WDR17: variants seen among roughly 807,000 people sequenced by gnomAD.
WDR17 encodes WD repeat-containing protein 17.
In WDR17, 143 loss-of-function variants were observed where a neutral mutation model predicts 161.7. The ratio of observed to expected loss-of-function variants is 0.88; its 90% CI spans 0.77 to 1.02. The LOEUF (loss-of-function observed/expected upper bound fraction) is 1.02, where lower values mean the gene tolerates loss of function less well. Ranked by LOEUF, WDR17 falls within the 50% of genes least tolerant of loss-of-function variation. The probability of loss-of-function intolerance (pLI) is 0.00; values close to 1 mark genes in which losing one functional copy is unlikely to be tolerated. For missense variants in WDR17, 1,469 were observed against 1,520.9 expected (o/e 0.97, Z 0.57); for synonymous variants, 517 against 515.6 (o/e 1.00, Z -0.04).
At chr4:176,132,967 G>A (rs1041970373) in intron 7 of WDR17, among the ~76,000 whole-genome samples, 14 of 151,512 alleles carry the variant, frequency 9.2e-5, no homozygotes, top group Non-Finnish European at 2.1e-4. Flanking sequence ...CATCAGCACT[G>A]GGTTGAGTCA....
intron 1 of WDR17, among the ~76,000 whole-genome samples, chr4:176,066,952 G>C (rs988752747): frequency 3.9e-5 from 6 of 152,090 alleles, no homozygotes; most frequent in African/African-American, 1.4e-4. Context: ...TTTCTGCGTT[G>C]TAAAAATTAG....
rs773234235 is a variant in WDR17, at chr4:176,150,108, G to T, written c.2113G>T (p.Glu705Ter). The change falls in exon 15 of 29, where the codon GAA becomes TAA. Residue 705 changes from glutamate to a stop codon, truncating the protein, a stop_gained. Coordinates refer to ENST00000508596, the MANE Select transcript of WDR17 (RefSeq NM_181265.4). LOFTEE classifies it high-confidence loss of function. ...CGKVSRDIRQ[E>*]IEKLTANSQV... ...TAAAGTGTCAAGAGATATTAGACAG[G>T]AAATAGAAAAACTAACTGCTAATTC... is the stretch of plus-strand genomic sequence containing the variant. The T allele has an allele frequency of 6.2e-7, 1 of 1,613,910 alleles. No individual in the cohort carries two copies. Among genetic ancestry groups the T allele is most frequent in the South Asian group, 1.1e-5 (1 of 91,064 alleles).
chr4:176,129,684 G>A (rs28693772), intron 6 of WDR17, among the ~76,000 whole-genome samples: 4,580 of 152,134 alleles, frequency 0.03, 191 homozygotes, highest in African/African-American at 0.096. Context: ...GCTATTCAAA[G>A]TAATGTTATT....
chr4:176,122,375 T>TA (rs1355742694), intron 4 of WDR17, among the ~76,000 whole-genome samples: 1 of 152,222 alleles, frequency 6.6e-6, no homozygotes, highest in Non-Finnish European at 1.5e-5. Flanking sequence ...CTTAGGACTT[T>TA]AACACCTTTT....
chr4:176,161,714 C>G (rs1350795065), intron 20 of WDR17, among the ~76,000 whole-genome samples: 4 of 152,180 alleles, frequency 2.6e-5, no homozygotes, highest in Non-Finnish European at 5.9e-5. Flanking sequence ...AAAAAGCTAA[C>G]ACATGCTAGC....
In WDR17 at chr4:176,179,947, T is replaced by C. The variant is rs1751984372; in HGVS notation, c.*368T>C. ...AATTGTGCAACACCTAGAATAGTGC[T>C]AGACATACAGTAAGTACTTAATGGA... On this transcript the variant is annotated 3_prime_UTR_variant, in exon 29 of 29. Transcript: ENST00000508596. 1.3e-5 allele frequency: 2 copies of C among 152,468 alleles called. No homozygotes were observed. The highest frequency in any genetic ancestry group is 4.8e-5 in the African/African-American group (2 of 41,464). The allele number at this position is 152,468 out of a possible 1,614,324, so 9.4% of individuals were successfully genotyped here.
intron 8 of WDR17, 92 bp from the exon 9 acceptor site, chr4:176,137,428 C>A: frequency 1.0e-6 from 1 of 970,300 alleles, no homozygotes; most frequent in South Asian, 1.6e-5. Context: ...GTCTGCAAAT[C>A]ACAGTTCTTA....
At chr4:176,077,391 A>T (rs942513550) in intron 1 of WDR17, among the ~76,000 whole-genome samples, 3 of 134,146 alleles carry the variant, frequency 2.2e-5, no homozygotes, top group Non-Finnish European at 5.0e-5. Context: ...ATGTACATTT[A>T]TACATACGTC....
At chr4:176,077,430 A>G (rs998002137) in intron 1 of WDR17, among the ~76,000 whole-genome samples, 4 of 152,178 alleles carry the variant, frequency 2.6e-5, no homozygotes, top group African/African-American at 9.6e-5. Flanking sequence ...AATTTCTAGC[A>G]GCATTGTGGA....
chr4:176,128,902 TTG>T (rs760316146), intron 6 of WDR17, 42 bp downstream of exon 6: 20 of 1,462,740 alleles, frequency 1.4e-5, no homozygotes, highest in East Asian at 1.3e-4. Flanking sequence ...TTAAAAAATA[TTG>T]TGTTTTCTAT....
In WDR17 at chr4:176,120,052, G is replaced by A. The variant is rs1741297769; in HGVS notation, c.493G>A (p.Val165Ile). 1.9e-6 allele frequency: 3 copies of A among 1,613,994 alleles called. No homozygotes were observed. The African/African-American group carries it at 4.0e-5, about 22-fold the overall frequency. ...ATGGCATACACACCAAAAGGGGAAAGTTGTGTTTGGTCATATTGATGGAAG... is the reference window on the plus strand; with the variant it reads ...ATGGCATACACACCAAAAGGGGAAAATTGTGTTTGGTCATATTGATGGAAG... ...FRWHTHQKGKVVFGHIDGSLS... is the reference protein window; with the variant it reads ...FRWHTHQKGKIVFGHIDGSLS... The change falls in exon 4 of 29, where the codon GTT becomes ATT. Residue 165 changes from valine (V) to isoleucine (I), a missense_variant. By Grantham distance (29) the Val-to-Ile change is conservative. Coordinates refer to ENST00000508596, the MANE Select transcript of WDR17 (RefSeq NM_181265.4).
chr4:176,116,000 T>C, intron 3 of WDR17, 21 bp downstream of exon 3: 3 of 1,572,504 alleles, frequency 1.9e-6, no homozygotes, highest in Non-Finnish European at 2.6e-6. Flanking sequence ...AACTGGGATT[T>C]ATTTTATGGA....
chr4:176,081,641 T>G (rs1293559250), intron 1 of WDR17, among the ~76,000 whole-genome samples: 1 of 152,118 alleles, frequency 6.6e-6, no homozygotes, highest in Non-Finnish European at 1.5e-5. Flanking sequence ...GGTGCAACAA[T>G]AGTGTTAGAA....
At chr4:176,141,941 T>TA (rs1259471774) in intron 10 of WDR17, 42 bp from the exon 11 acceptor site, 4 of 1,395,458 alleles carry the variant, frequency 2.9e-6, no homozygotes, top group Non-Finnish European at 4.0e-6. Flanking sequence ...ATAATGTATT[T>TA]AGAGTATTGT....
intron 5 of WDR17, among the ~76,000 whole-genome samples, chr4:176,126,495 G>C (rs1246587171): frequency 6.6e-6 from 1 of 152,080 alleles, no homozygotes; most frequent in Non-Finnish European, 1.5e-5. Context: ...TAACATAATA[G>C]TGACGCCACC....
At chr4:176,152,848 C>G (rs932803861) in intron 17 of WDR17, among the ~76,000 whole-genome samples, 5 of 148,324 alleles carry the variant, frequency 3.4e-5, no homozygotes, top group Admixed American at 3.4e-4. Context: ...GGCAGGAGAA[C>G]TGCTTGAACC....
chr4:176,175,781 G>A (rs972601245), intron 26 of WDR17, among the ~76,000 whole-genome samples: 2 of 152,098 alleles, frequency 1.3e-5, no homozygotes, highest in East Asian at 1.9e-4. Context: ...GGATGGTCTC[G>A]ATCTCCTGAC....
chr4:176,175,566 GTTTGTTTT>G (rs1393615757), intron 26 of WDR17, among the ~76,000 whole-genome samples: 1 of 135,016 alleles, frequency 7.4e-6, no homozygotes, highest in African/African-American at 2.5e-5. Context: ...TTGTTTGTTT[GTTTGTTTT>G]TGAGATGGAG....
Position 176,167,889 on chromosome 4 carries a change from G to A in WDR17, c.2991-783G>A, listed in dbSNP as rs574646946. Among the ~76,000 whole-genome samples the A allele has an allele frequency of 5.4e-5, 8 of 149,242 alleles. No individual in the cohort carries two copies. The South Asian group carries it at 1.7e-3, about 32-fold the overall frequency. On this transcript the variant is annotated intron_variant, in intron 22 of 28. Coordinates refer to ENST00000508596, the MANE Select transcript of WDR17 (RefSeq NM_181265.4). ...AGGCCGGTCTCGGTGGCTCATGCCT[G>A]TAATCCCAACACTTCGGGAGGCCAA...
Sources: allele counts gnomAD v4.1 joint callset (sites outside exome capture counted in the v4.1 genomes callset), GRCh38; gene constraint gnomAD v4.1.1; transcripts MANE v1.5; gene names NCBI Gene and HGNC (gene_info 2026-07-23, HGNC 2026-07-21).